POFUT2: variants seen among roughly 807,000 people sequenced by gnomAD.
POFUT2 encodes the protein GDP-fucose protein O-fucosyltransferase 2.
Under a neutral mutation model 55.0 loss-of-function variants are expected in POFUT2, and 30 were observed. That is an observed-to-expected ratio of 0.55 (90% CI 0.41 to 0.74). The LOEUF (loss-of-function observed/expected upper bound fraction) is 0.74. Among genes scored for constraint, POFUT2 ranks in the 30% least tolerant of loss-of-function variants. The pLI is 0.00. For missense variants in POFUT2, 524 were observed against 562.6 expected (o/e 0.93, Z 0.69); for synonymous variants, 267 against 231.1 (o/e 1.16, Z -1.41).
At chr21:45,280,858 A>G (rs2030552326) in intron 4 of POFUT2, among the ~76,000 whole-genome samples, 1 of 152,140 alleles carries the variant, frequency 6.6e-6, no homozygotes. Context: ...TATCCCAGAG[A>G]GTCCTTAGTT....
chr21:45,287,729 A>AGT lies in POFUT2; in HGVS notation c.131+11_131+12insAC. 8.4e-7 allele frequency: 1 copy of AGT among 1,192,472 alleles called. No individual in the cohort carries two copies. 73.9% of individuals were successfully genotyped at this position (1,192,472 alleles called of 1,614,324 possible). ...TGGAACCCCAGCGTTGGCACCGTGG[A>AGT]CGCGCGTTTACCGTCTGCGGGAAGC... On this transcript the variant is annotated intron_variant, in intron 1 of 8. Coordinates refer to ENST00000349485, the MANE Select transcript of POFUT2 (RefSeq NM_133635.6).
chr21:45,283,284 G>T, intron 3 of POFUT2, 99 bp downstream of exon 3: 2 of 526,302 alleles, frequency 3.8e-6, no homozygotes, highest in South Asian at 4.0e-5. Context: ...GTGGTGGGGA[G>T]GAGTGGGCGG....
rs759778571 is a variant in POFUT2 at position 45,267,764 on chromosome 21, A to G, written c.1013-51T>C. 27 of 1,530,442 alleles carry G rather than the reference A, an allele frequency of 1.8e-5. No homozygotes were observed. The highest frequency in any genetic ancestry group is 2.0e-5 in the Non-Finnish European group (22 of 1,108,850). 94.8% of individuals were successfully genotyped at this position (1,530,442 alleles called of 1,614,324 possible). A position where few individuals can be genotyped will look rare whatever the true frequency, so the allele number is the denominator to read the frequency against. On this transcript the variant is annotated intron_variant, in intron 7 of 8. Coordinates refer to ENST00000349485, the MANE Select transcript of POFUT2 (RefSeq NM_133635.6). The surrounding 1 kb of genome is among the most constrained non-coding windows in gnomAD (Gnocchi z 4.4). ...TGAACCGGGATCCTCCAGTAAGGAC[A>G]GATACGTGACTCTTTAGCAGACAGA...
At position 45,284,761 on chromosome 21, in the gene POFUT2, C is replaced by G. The variant is rs2031187121; in HGVS notation, c.382+917G>C. 6.6e-6 allele frequency among the ~76,000 whole-genome samples: 1 copy of G among 152,212 alleles called. No homozygotes were observed. The highest frequency in any genetic ancestry group is 2.1e-4 in the South Asian group (1 of 4,836). On this transcript the variant is annotated intron_variant, in intron 2 of 8. Transcript: ENST00000349485. The surrounding 1 kb of genome is among the most constrained non-coding windows in gnomAD (Gnocchi z 5.8). The stretch of plus-strand genomic sequence containing the variant: ...CCCAATACCCAACCACAGCTTTCAT[C>G]TTCCAGGACTCACAAGCAAATTTTA...
Position 45,285,602 on chromosome 21 carries a change from C to A in POFUT2, c.382+76G>T. Reference sequence around the variant, plus strand: ...GGCTGGATGCAATCGTAAGCCCAACCTGATGTCTACCTTAGAAATGACTGC... The same window carrying A: ...GGCTGGATGCAATCGTAAGCCCAACATGATGTCTACCTTAGAAATGACTGC... On this transcript the variant is annotated intron_variant, in intron 2 of 8. Coordinates refer to ENST00000349485, the MANE Select transcript of POFUT2 (RefSeq NM_133635.6). This position sits in a 1 kb window ranked among gnomAD's most constrained non-coding sequence, Gnocchi z 4.9. 1 of 1,588,406 alleles carries A rather than the reference C, an allele frequency of 6.3e-7. No individual in the cohort carries two copies. The highest frequency in any genetic ancestry group is 8.6e-7 in the Non-Finnish European group (1 of 1,162,512).
At chr21:45,275,149 G>T (rs190707241) in intron 6 of POFUT2, among the ~76,000 whole-genome samples, 1 of 152,210 alleles carries the variant, frequency 6.6e-6, no homozygotes. Flanking sequence ...ATACACAAAT[G>T]GCCAACAAAC....
chr21:45,283,021 CA>C (rs2030883700), intron 3 of POFUT2: 3 of 430,928 alleles, frequency 7.0e-6, no homozygotes, highest in Non-Finnish European at 1.4e-5. Flanking sequence ...GCCCATTCTC[CA>C]GGCCTCAGCA....
rs755369384 is a variant in POFUT2 at position 45,265,520 on chromosome 21, C to T, written c.1252G>A (p.Ala418Thr). Reference protein sequence around the residue: ...YNRFCGDQEKACEQPTHWKIT... With the variant: ...YNRFCGDQEKTCEQPTHWKIT... Reference sequence around the variant, plus strand: ...TTCCAGTGGGTGGGTTGCTCACACGCCTTCTCTTGGTCTCCGCAGAACCTG... The same window carrying T: ...TTCCAGTGGGTGGGTTGCTCACACGTCTTCTCTTGGTCTCCGCAGAACCTG... The change falls in exon 9 of 9, where the codon GCG becomes ACG. Residue 418 changes from alanine (A) to threonine (T), a missense_variant. This residue lies in a region of POFUT2 where 250 missense variants were observed against 318.2 expected (regional missense o/e 0.79). Transcript: ENST00000349485. The surrounding 1 kb of genome is among the most constrained non-coding windows in gnomAD (Gnocchi z 4.6). The T allele has an allele frequency of 2.6e-5, 42 of 1,614,022 alleles. No individual in the cohort carries two copies. Among genetic ancestry groups the T allele is most frequent in the Non-Finnish European group, 3.5e-5 (41 of 1,179,940 alleles).
chr21:45,268,034 C>T lies in POFUT2; in HGVS notation c.1013-321G>A, dbSNP rs568555911. Among the ~76,000 whole-genome samples the T allele has an allele frequency of 6.5e-4, 99 of 152,352 alleles. 1 individual carries two copies. Among genetic ancestry groups the T allele is most frequent in the Middle Eastern group, 6.8e-3 (2 of 294 alleles). On this transcript the variant is annotated intron_variant, in intron 7 of 8. Transcript: ENST00000349485. ...CTCCCTCTCTTTCCACGGTCTCCCT[C>T]TCATGCGGAGCCAAAGCTGGACTGT... is the stretch of plus-strand genomic sequence containing the variant.
intron 3 of POFUT2, 81 bp downstream of exon 3, chr21:45,283,302 C>A (rs1602226178): frequency 4.6e-6 from 3 of 651,880 alleles, no homozygotes; most frequent in Non-Finnish European, 6.7e-6. Context: ...CGGGGGGCGC[C>A]TGAGGCGGGG....
Position 45,265,587 on chromosome 21 carries a change from C to G in POFUT2, c.1185G>C (p.Glu395Asp). 6.2e-7 allele frequency: 1 copy of G among 1,614,040 alleles called. No individual in the cohort carries two copies. Among genetic ancestry groups the G allele is most frequent in the Non-Finnish European group, 8.5e-7 (1 of 1,179,980 alleles). ...GGTCCAACCCCAGGATTTCTCTTTC[C>G]TCATGAATCCGAAAAGAAAATGTTG... is the stretch of plus-strand genomic sequence containing the variant. ...SVSTFSFRIHEEREILGLDPK... is the reference protein window; with the variant it reads ...SVSTFSFRIHDEREILGLDPK... Residue 395 changes from glutamate (E) to aspartate (D), a missense_variant, in exon 9 of 9, where the codon GAG (glutamate) becomes GAC (aspartate). Glu to Asp is a conservative substitution (Grantham distance 45). This residue lies in a region of POFUT2 where 250 missense variants were observed against 318.2 expected (regional missense o/e 0.79). Transcript: ENST00000349485. The surrounding 1 kb of genome is among the most constrained non-coding windows in gnomAD (Gnocchi z 4.6).
chr21:45,279,034 A>G (rs1256702674), intron 4 of POFUT2, among the ~76,000 whole-genome samples: 2 of 152,162 alleles, frequency 1.3e-5, no homozygotes, highest in African/African-American at 4.8e-5. Context: ...GAGCAAATAG[A>G]CCTGAATATT....
chr21:45,286,008 C>T (rs186935896), intron 1 of POFUT2, 80 bp from the exon 2 acceptor site: 15 of 1,316,454 alleles, frequency 1.1e-5, no homozygotes, highest in East Asian at 4.6e-5. Flanking sequence ...CAAGTCTCAG[C>T]GCGTGGCCCG....
chr21:45,269,786 A>T lies in POFUT2; in HGVS notation c.1012+53T>A, dbSNP rs183073358. On this transcript the variant is annotated intron_variant, in intron 7 of 8. Transcript: ENST00000349485. ...TGAGAAACACCCAAGAATTATCAATAAAAAAAATAAATTAAAAGAAAGGAA... is the reference window on the plus strand; with the variant it reads ...TGAGAAACACCCAAGAATTATCAATTAAAAAAATAAATTAAAAGAAAGGAA... 6.0e-4 allele frequency: 892 copies of T among 1,494,106 alleles called. No homozygotes were observed. In the Middle Eastern group the frequency reaches 6.2e-3, roughly 10 times the overall value. 92.6% of individuals were successfully genotyped at this position (1,494,106 alleles called of 1,614,324 possible).
Position 45,283,308 on chromosome 21 carries a change from C to CT in POFUT2, c.527+74_527+75insA, listed in dbSNP as rs1216632171. On this transcript the variant is annotated intron_variant, in intron 3 of 8. Transcript: ENST00000349485. Reference sequence around the variant, plus strand: ...AGGAGTGGGCGGGGGGCGCCTGAGGCGGGGGGGGGGGGACGCATGCGGCAG... The same window carrying CT: ...AGGAGTGGGCGGGGGGCGCCTGAGGCTGGGGGGGGGGGGACGCATGCGGCAG... The CT allele has an allele frequency of 3.1e-4, 136 of 442,222 alleles. No homozygotes were observed. In the South Asian group the frequency reaches 3.3e-3, roughly 11 times the overall value. 27.4% of individuals were successfully genotyped at this position (442,222 alleles called of 1,614,324 possible).
chr21:45,286,269 T>C (rs2146701806), intron 1 of POFUT2, among the ~76,000 whole-genome samples: 1 of 152,336 alleles, frequency 6.6e-6, no homozygotes, highest in South Asian at 2.1e-4. Flanking sequence ...GACGGCTGGT[T>C]ATGTGCACTA....
intron 7 of POFUT2, among the ~76,000 whole-genome samples, chr21:45,268,553 G>A (rs531563970): frequency 6.6e-6 from 1 of 151,688 alleles, no homozygotes; most frequent in East Asian, 1.9e-4. Flanking sequence ...CCTCTTTCCG[G>A]CCGCCATCAC....
intron 7 of POFUT2, among the ~76,000 whole-genome samples, chr21:45,268,596 G>A (rs1193664726): frequency 8.6e-5 from 13 of 151,396 alleles, no homozygotes; most frequent in Admixed American, 3.9e-4. Context: ...CTGCCCAGCC[G>A]CCCATCGTCT....
chr21:45,283,309 G>GGC (rs2030953793), intron 3 of POFUT2, 74 bp downstream of exon 3: 1 of 78,338 alleles, frequency 1.3e-5, no homozygotes, highest in Non-Finnish European at 1.8e-5. Flanking sequence ...CGCCTGAGGC[G>GGC]GGGGGGGGGG....
Sources: gnomAD v4.1 joint callset for allele counts (sites outside exome capture counted in the v4.1 genomes callset) on GRCh38, gnomAD v4.1.1 for gene constraint, gnomAD v4.1.1 regional missense constraint, Gnocchi (gnomAD v3.1) non-coding constraint, MANE v1.5 for transcripts, NCBI Gene and HGNC (gene_info 2026-07-23, HGNC 2026-07-21) for gene names.